The following KDM2A variants were observed in gnomAD, a reference collection of about 807,000 sequenced individuals.
The protein encoded by KDM2A is lysine demethylase 2A.
A neutral mutation model predicts 137.3 loss-of-function variants in KDM2A; 3 were observed. The ratio of observed to expected loss-of-function variants is 0.02; its 90% CI spans 0.01 to 0.06. The LOEUF (loss-of-function observed/expected upper bound fraction) is 0.06, where lower values mean the gene tolerates loss of function less well. Among genes scored for constraint, KDM2A ranks in the 10% least tolerant of loss-of-function variants. The probability of loss-of-function intolerance (pLI) is 1.00; values close to 1 mark genes in which losing one functional copy is unlikely to be tolerated. For missense variants in KDM2A, 738 were observed against 1,510.6 expected, an observed-to-expected ratio of 0.49 and a Z score of 8.48; for synonymous variants, 512 against 541.5, an observed-to-expected ratio of 0.95 and a Z score of 0.76.
At chr11:67,150,794 C>G (rs956786559) in intron 2 of KDM2A, among the ~76,000 whole-genome samples, 4 of 150,490 alleles carry the variant, frequency 2.7e-5, no homozygotes, top group African/African-American at 9.8e-5. Flanking sequence ...GAGCAAGACC[C>G]CATCTCTACA....
At chr11:67,129,961 C>G (rs1317151350) in intron 2 of KDM2A, among the ~76,000 whole-genome samples, 1 of 141,826 alleles carries the variant, frequency 7.1e-6, no homozygotes, top group Non-Finnish European at 1.5e-5. Flanking sequence ...CTCTCCTATT[C>G]TTTTTTTTTT....
At chr11:67,120,345 G>C (rs975601841) in intron 1 of KDM2A, among the ~76,000 whole-genome samples, 1 of 152,228 alleles carries the variant, frequency 6.6e-6, no homozygotes, top group Non-Finnish European at 1.5e-5. Context: ...CTCTGGTCTC[G>C]TAGCAGTTTT....
At chr11:67,120,905 G>C (rs1351799661) in intron 1 of KDM2A, among the ~76,000 whole-genome samples, 1 of 151,926 alleles carries the variant, frequency 6.6e-6, no homozygotes. Context: ...GGAGATAAAA[G>C]TCCTGGGCTT....
intron 5 of KDM2A, among the ~76,000 whole-genome samples, chr11:67,198,968 G>A (rs1857553279): frequency 1.3e-5 from 2 of 151,938 alleles, no homozygotes; most frequent in Admixed American, 1.3e-4. Context: ...TAGTAGAGAT[G>A]GAGTTTCACC....
chr11:67,179,639 A>G (rs1488865354), intron 2 of KDM2A, among the ~76,000 whole-genome samples: 2 of 152,210 alleles, frequency 1.3e-5, no homozygotes, highest in Admixed American at 6.5e-5. Context: ...TTTTTGATCC[A>G]TTCATTCAAA....
At chr11:67,248,427 GA>G (rs1859314160) in intron 16 of KDM2A, 57 bp downstream of exon 16, 1 of 1,196,732 alleles carries the variant, frequency 8.4e-7, no homozygotes, top group Admixed American at 2.0e-5. Context: ...AAATGTGGGG[GA>G]TTGCTACACG....
intron 5 of KDM2A, among the ~76,000 whole-genome samples, chr11:67,183,212 A>G (rs976448426): frequency 2.0e-5 from 3 of 152,256 alleles, no homozygotes; most frequent in African/African-American, 7.2e-5. Flanking sequence ...CCGTTGAATA[A>G]TGAAAATGCT....
intron 2 of KDM2A, among the ~76,000 whole-genome samples, chr11:67,171,446 A>G (rs981822217): frequency 6.6e-6 from 1 of 151,540 alleles, no homozygotes; most frequent in South Asian, 2.1e-4. Context: ...TTAGAACATA[A>G]TGGGGCCTTA....
Position 67,221,465 on chromosome 11 carries a change from G to A in KDM2A, c.957+2062G>A, listed in dbSNP as rs545024052. The stretch of plus-strand genomic sequence containing the variant: ...ATGGTCTTTTATATATTATAGGAAT[G>A]GTCACTGACCTATGTACTGCAATAA... On this transcript the variant is annotated intron_variant, in intron 10 of 20. Transcript: ENST00000529006. 2.6e-5 allele frequency among the ~76,000 whole-genome samples: 4 copies of A among 152,186 alleles called. No homozygotes were observed. The South Asian group carries it at 8.3e-4, about 32-fold the overall frequency.
At chr11:67,160,814 A>G (rs1272748373) in intron 2 of KDM2A, among the ~76,000 whole-genome samples, 3 of 152,200 alleles carry the variant, frequency 2.0e-5, no homozygotes, top group Admixed American at 1.3e-4. Flanking sequence ...CTTCTCATTA[A>G]TAACAAGAGC....
rs547752508 is a variant in KDM2A, at chr11:67,125,444, A to G, written c.42+4086A>G. Among the ~76,000 whole-genome samples the G allele has an allele frequency of 5.3e-5, 8 of 151,556 alleles. No individual in the cohort carries two copies. The South Asian group carries it at 6.3e-4, about 12-fold the overall frequency. ...GATCTGCCCGCCTTGGCCTCCCAAC[A>G]AGTCATTTTTTGGGGGGAAAAAAAA... On this transcript the variant is annotated intron_variant, in intron 2 of 20. Transcript: ENST00000529006.
intron 11 of KDM2A, among the ~76,000 whole-genome samples, chr11:67,228,885 C>G (rs1281045622): frequency 6.6e-6 from 1 of 151,990 alleles, no homozygotes. Flanking sequence ...CACCACTATG[C>G]CCAGCTAATT....
In KDM2A at chr11:67,133,563, C is replaced by T. The variant is rs1243459217; in HGVS notation, c.42+12205C>T. ...GATTACAGGCTCCCACCACCACGCCCGGCCAATTTTTATATTTTTAGTAGA... is the reference window on the plus strand; with the variant it reads ...GATTACAGGCTCCCACCACCACGCCTGGCCAATTTTTATATTTTTAGTAGA... On this transcript the variant is annotated intron_variant, in intron 2 of 20. Transcript: ENST00000529006. Among the ~76,000 whole-genome samples the T allele has an allele frequency of 6.6e-5, 10 of 151,864 alleles. No homozygotes were observed. In the East Asian group the frequency reaches 9.7e-4, roughly 15 times the overall value.
At chr11:67,200,689 T>G (rs982060119) in intron 5 of KDM2A, among the ~76,000 whole-genome samples, 1 of 151,634 alleles carries the variant, frequency 6.6e-6, no homozygotes, top group Non-Finnish European at 1.5e-5. Context: ...TGTGTTTTGG[T>G]AGAGACACAG....
intron 6 of KDM2A, among the ~76,000 whole-genome samples, chr11:67,212,643 A>C (rs1323875389): frequency 6.6e-6 from 1 of 152,162 alleles, no homozygotes; most frequent in African/African-American, 2.4e-5. Flanking sequence ...GATTAACCTA[A>C]GAAGAAAAGC....
At chr11:67,242,675 C>T (rs1555099578) in intron 12 of KDM2A, among the ~76,000 whole-genome samples, 1 of 152,074 alleles carries the variant, frequency 6.6e-6, no homozygotes, top group Non-Finnish European at 1.5e-5. Context: ...CCACCACCAC[C>T]ATCCGCCCCC....
chr11:67,171,740 A>G (rs1856886386), intron 2 of KDM2A, among the ~76,000 whole-genome samples: 1 of 152,016 alleles, frequency 6.6e-6, no homozygotes, highest in African/African-American at 2.4e-5. Flanking sequence ...TAGGTCTCAA[A>G]CTCCTGGCCT....
rs1298323635 is a variant in KDM2A at position 67,254,230 on chromosome 11, A to G, written c.3119A>G (p.Asn1040Ser). The G allele has an allele frequency of 6.2e-7, 1 of 1,613,922 alleles. No homozygotes were observed. The change falls in exon 20 of 21, where the codon AAC becomes AGC. Residue 1040 changes from asparagine to serine, a missense_variant. By Grantham distance (46) the Asn-to-Ser change is conservative. Around this residue, in one of 9 missense-constraint regions of KDM2A, gnomAD observed 166 missense variants for 324.0 expected, o/e 0.51. Coordinates refer to ENST00000529006, the MANE Select transcript of KDM2A (RefSeq NM_012308.3). This position sits in a 1 kb window ranked among gnomAD's most constrained non-coding sequence, Gnocchi z 4.7. ...CAGGACAATCGCAGCAAGCTCCGGA[A>G]CATGACCGACTTCCGGCTGGCAGGC... The part of the protein sequence containing the change: ...PGQDNRSKLR[N>S]MTDFRLAGLD...
intron 10 of KDM2A, among the ~76,000 whole-genome samples, chr11:67,223,823 A>G (rs949383899): frequency 1.1e-4 from 16 of 152,222 alleles, no homozygotes; most frequent in South Asian, 4.1e-4. Context: ...AAGTGTTGCT[A>G]TACTTAAAAG....
Sources: allele counts gnomAD v4.1 joint callset (sites outside exome capture counted in the v4.1 genomes callset), GRCh38; gene constraint gnomAD v4.1.1; regional missense constraint gnomAD v4.1.1; non-coding constraint Gnocchi (gnomAD v3.1); transcripts MANE v1.5; gene names NCBI Gene and HGNC (gene_info 2026-07-23, HGNC 2026-07-21).